The following EXOC4 variants were observed in gnomAD, a reference collection of about 807,000 sequenced individuals.
EXOC4 encodes the protein exocyst complex component 4, also known as SEC8-like 1.
A neutral mutation model predicts 107.2 loss-of-function variants in EXOC4; 71 were observed. That is an observed-to-expected ratio of 0.66 (90% CI 0.55 to 0.81). The LOEUF (loss-of-function observed/expected upper bound fraction) is 0.81. Among genes scored for constraint, EXOC4 ranks in the 30% least tolerant of loss-of-function variants. The probability of loss-of-function intolerance (pLI) is 0.00; values close to 1 mark genes in which losing one functional copy is unlikely to be tolerated. For synonymous variants in EXOC4, 456 were observed against 441.2 expected (o/e 1.03, Z -0.42); for missense variants, 1,108 against 1,189.6 (o/e 0.93, Z 1.01).
At chr7:133,813,428 A>G (rs1263530419) in intron 10 of EXOC4, among the ~76,000 whole-genome samples, 1 of 152,224 alleles carries the variant, frequency 6.6e-6, no homozygotes, top group East Asian at 1.9e-4. Flanking sequence ...ATTAATTCTC[A>G]TAATATTAAA....
chr7:134,026,308 G>A (rs1037237992), intron 17 of EXOC4, among the ~76,000 whole-genome samples: 18 of 151,450 alleles, frequency 1.2e-4, no homozygotes, highest in Non-Finnish European at 2.9e-5. Flanking sequence ...GAAATCTTAG[G>A]GAAAGGGAAA....
chr7:133,811,827 G>A (rs1284060090), intron 10 of EXOC4, among the ~76,000 whole-genome samples: 1 of 152,170 alleles, frequency 6.6e-6, no homozygotes, highest in Non-Finnish European at 1.5e-5. Flanking sequence ...CAAACTCTTA[G>A]GAGAAGGGCA....
At chr7:133,453,659 G>T (rs964754513) in intron 7 of EXOC4, among the ~76,000 whole-genome samples, 3 of 151,756 alleles carry the variant, frequency 2.0e-5, no homozygotes, top group Non-Finnish European at 4.4e-5. Context: ...ATAACTTTAT[G>T]TAAGTTTGCA....
chr7:134,019,232 G>C lies in EXOC4; in HGVS notation c.2687+11397G>C, dbSNP rs117898263. Among the ~76,000 whole-genome samples, 23 of 152,258 alleles carry C rather than the reference G, an allele frequency of 1.5e-4. No homozygotes were observed. In the East Asian group the frequency reaches 4.4e-3, roughly 29 times the overall value. Reference sequence around the variant, plus strand: ...GGCATGAGGCACAGCGCCCAGCCACGATGTATGTTTTAGAGAGCATCTGTA... The same window carrying C: ...GGCATGAGGCACAGCGCCCAGCCACCATGTATGTTTTAGAGAGCATCTGTA... On this transcript the variant is annotated intron_variant, in intron 17 of 17. Transcript: ENST00000253861.
chr7:133,376,560 C>T (rs1796495272), intron 7 of EXOC4, among the ~76,000 whole-genome samples: 2 of 152,198 alleles, frequency 1.3e-5, no homozygotes, highest in Non-Finnish European at 2.9e-5. Context: ...TTACCTTCAT[C>T]CCTGCATCTT....
At chr7:133,490,114 A>G (rs1047437659) in intron 9 of EXOC4, among the ~76,000 whole-genome samples, 4 of 152,138 alleles carry the variant, frequency 2.6e-5, no homozygotes, top group African/African-American at 9.7e-5. Flanking sequence ...GGCAGCACTG[A>G]AGGAAAGCTA....
chr7:133,589,038 C>T (rs570709506), intron 9 of EXOC4, among the ~76,000 whole-genome samples: 5 of 152,072 alleles, frequency 3.3e-5, no homozygotes, highest in East Asian at 1.9e-4. Flanking sequence ...TTAAAAGATA[C>T]AAAATAAAAA....
At chr7:133,411,160 A>G (rs1428236771) in intron 7 of EXOC4, among the ~76,000 whole-genome samples, 1 of 152,146 alleles carries the variant, frequency 6.6e-6, no homozygotes, top group African/African-American at 2.4e-5. Context: ...ACCCCAAATT[A>G]TGGTCAGCCA....
At chr7:133,576,193 A>G (rs1455454847) in intron 9 of EXOC4, among the ~76,000 whole-genome samples, 2 of 152,192 alleles carry the variant, frequency 1.3e-5, no homozygotes, top group Non-Finnish European at 2.9e-5. Flanking sequence ...TTTGGAATAG[A>G]GAAAATTCTC....
chr7:133,808,756 G>A (rs1409856550), intron 10 of EXOC4, among the ~76,000 whole-genome samples: 1 of 151,934 alleles, frequency 6.6e-6, no homozygotes, highest in Non-Finnish European at 1.5e-5. Context: ...ATTATGAGTT[G>A]TAGGTTGATT....
intron 9 of EXOC4, chr7:133,483,982 G>C: frequency 6.3e-7 from 1 of 1,587,062 alleles, no homozygotes; most frequent in East Asian, 2.2e-5. Context: ...ACCATATAGC[G>C]GCAGGCTTTG....
rs1750483526 is a variant in EXOC4, at chr7:133,532,869, A to G, written c.1417+52731A>G. On this transcript the variant is annotated intron_variant, in intron 9 of 17. Transcript: ENST00000253861. The stretch of plus-strand genomic sequence containing the variant: ...CGTGTGAGAAATAACTATTTACTGA[A>G]CAGGAAATAGGGTTGCTATAGGTGG... Among the ~76,000 whole-genome samples, 3 of 152,272 alleles carry G rather than the reference A, an allele frequency of 2.0e-5. No homozygotes were observed. The South Asian group carries it at 6.2e-4, about 32-fold the overall frequency.
intron 7 of EXOC4, among the ~76,000 whole-genome samples, chr7:133,438,761 C>T (rs1056177447): frequency 2.0e-5 from 3 of 152,170 alleles, no homozygotes; most frequent in African/African-American, 7.2e-5. Flanking sequence ...AATGCCTGCT[C>T]TCTGTAAGGC....
At chr7:133,737,526 GTTA>G (rs781389291) in intron 10 of EXOC4, among the ~76,000 whole-genome samples, 30 of 151,576 alleles carry the variant, frequency 2.0e-4, no homozygotes, top group Non-Finnish European at 3.8e-4. Context: ...TCTACCTCAT[GTTA>G]TTAGACTTCC....
intron 10 of EXOC4, among the ~76,000 whole-genome samples, chr7:133,675,526 A>G (rs1369139824): frequency 2.0e-5 from 3 of 152,242 alleles, no homozygotes; most frequent in Non-Finnish European, 4.4e-5. Flanking sequence ...GCAGTGTATT[A>G]TAGAAACAGT....
intron 10 of EXOC4, among the ~76,000 whole-genome samples, chr7:133,654,227 C>T (rs938159304): frequency 5.3e-5 from 8 of 152,130 alleles, no homozygotes; most frequent in East Asian, 1.9e-4. Flanking sequence ...ATTAGTATTC[C>T]GAGAACTGTG....
At chr7:133,763,764 T>G (rs1292490208) in intron 10 of EXOC4, among the ~76,000 whole-genome samples, 1 of 151,942 alleles carries the variant, frequency 6.6e-6, no homozygotes, top group Non-Finnish European at 1.5e-5. Context: ...GTTTTTGTTT[T>G]GTTTTGTTTT....
chr7:133,954,421 A>G (rs533516437), intron 14 of EXOC4, among the ~76,000 whole-genome samples: 49 of 152,350 alleles, frequency 3.2e-4, no homozygotes, highest in Middle Eastern at 3.4e-3. Context: ...ATTTAAGAAT[A>G]TCACTTGTTT....
At chr7:133,750,322 C>T (rs570282204) in intron 10 of EXOC4, among the ~76,000 whole-genome samples, 2 of 152,098 alleles carry the variant, frequency 1.3e-5, no homozygotes, top group African/African-American at 4.8e-5. Context: ...GGATCATTGA[C>T]CTGAAACACT....
Sources: allele counts gnomAD v4.1 joint callset (sites outside exome capture counted in the v4.1 genomes callset), GRCh38; gene constraint gnomAD v4.1.1; transcripts MANE v1.5; gene names NCBI Gene and HGNC (gene_info 2026-07-23, HGNC 2026-07-21).